KAZN: variants seen among roughly 807,000 people sequenced by gnomAD.
KAZN encodes kazrin.
Under a neutral mutation model 87.4 loss-of-function variants are expected in KAZN, and 40 were observed. The observed-to-expected ratio is 0.46, with a 90% CI of 0.36 to 0.60. The LOEUF (loss-of-function observed/expected upper bound fraction) is 0.60. Among genes scored for constraint, KAZN ranks in the 20% least tolerant of loss-of-function variants. The pLI, the probability that KAZN is intolerant of heterozygous loss-of-function variation, is 0.00. For synonymous variants in KAZN, 466 were observed against 458.3 expected (o/e 1.02, Z -0.22); for missense variants, 898 against 1,073.9 (o/e 0.84, Z 2.29).
chr1:14,644,355 G>GTT (rs149320583), intron 1 of KAZN, among the ~76,000 whole-genome samples: 204 of 136,522 alleles, frequency 1.5e-3, no homozygotes, highest in African/African-American at 5.0e-3. Context: ...TTGTAAATTT[G>GTT]TTTTTTTTTT....
intron 1 of KAZN, among the ~76,000 whole-genome samples, chr1:14,661,469 C>T (rs550285390): frequency 6.6e-6 from 1 of 152,218 alleles, no homozygotes; most frequent in South Asian, 2.1e-4. Context: ...CTCTGTTGCA[C>T]TATTCAACTC....
At chr1:14,948,782 A>C (rs1030804048) in intron 1 of KAZN, among the ~76,000 whole-genome samples, 3 of 152,120 alleles carry the variant, frequency 2.0e-5, no homozygotes, top group Non-Finnish European at 4.4e-5. Context: ...AGGATGGCCC[A>C]GTAAGCTCCC....
chr1:14,458,035 G>A (rs904805581), intron 2 of KAZN, among the ~76,000 whole-genome samples: 1 of 152,052 alleles, frequency 6.6e-6, no homozygotes, highest in Non-Finnish European at 1.5e-5. Flanking sequence ...CGTTAGCCAG[G>A]ATGGTCTCAA....
intron 5 of KAZN, among the ~76,000 whole-genome samples, chr1:15,059,680 G>T (rs988960039): frequency 5.9e-5 from 9 of 152,162 alleles, no homozygotes; most frequent in Non-Finnish European, 8.8e-5. Context: ...GAGAGAAAGT[G>T]GTGGTGGCCT....
intron 1 of KAZN, among the ~76,000 whole-genome samples, chr1:14,893,025 C>T (rs1572750948): frequency 6.6e-6 from 1 of 152,186 alleles, no homozygotes; most frequent in African/African-American, 2.4e-5. Flanking sequence ...CTGGTCCCTA[C>T]TGTCATAAGG....
chr1:14,598,671 T>C (rs2148592720), upstream of KAZN: 1 of 1,263,960 alleles, frequency 7.9e-7, no homozygotes, highest in African/African-American at 1.6e-5. The surrounding 1 kb of genome is among the most constrained non-coding windows in gnomAD (Gnocchi z 4.2). Context: ...GAGTGCCTGG[T>C]GGCGCGCGGT....
chr1:14,495,660 T>A (rs1278156702), intron 2 of KAZN, among the ~76,000 whole-genome samples: 2 of 152,138 alleles, frequency 1.3e-5, no homozygotes, highest in Non-Finnish European at 2.9e-5. Context: ...AGTCTCTGGG[T>A]CTCTCCAACT....
At chr1:14,641,213 G>T (rs1363457910) in intron 1 of KAZN, among the ~76,000 whole-genome samples, 1 of 152,128 alleles carries the variant, frequency 6.6e-6, no homozygotes. Context: ...GGGAATACCA[G>T]GATCAGGAGG....
At chr1:14,679,607 C>T (rs1285547029) in intron 1 of KAZN, among the ~76,000 whole-genome samples, 2 of 152,152 alleles carry the variant, frequency 1.3e-5, no homozygotes, top group African/African-American at 4.8e-5. Flanking sequence ...GCATTGTAAA[C>T]TCTAGAAAAT....
At chr1:14,090,604 A>C (rs1643954116) in intron 1 of KAZN, among the ~76,000 whole-genome samples, 1 of 152,148 alleles carries the variant, frequency 6.6e-6, no homozygotes, top group Non-Finnish European at 1.5e-5. Flanking sequence ...GTCTGTTTAT[A>C]CTGGAGCAAC....
intron 2 of KAZN, among the ~76,000 whole-genome samples, chr1:15,006,438 G>A (rs2102048617): frequency 6.6e-6 from 1 of 152,324 alleles, no homozygotes; most frequent in South Asian, 2.1e-4. Context: ...GGCCGGGCTG[G>A]TCCCTCCTGA....
intron 5 of KAZN, among the ~76,000 whole-genome samples, chr1:15,057,010 T>A (rs1638342248): frequency 6.6e-6 from 1 of 152,262 alleles, no homozygotes; most frequent in South Asian, 2.1e-4. Context: ...AGGTAAGAGC[T>A]GGTCACTGTG....
At chr1:14,767,187 T>G (rs1644907152) in intron 1 of KAZN, among the ~76,000 whole-genome samples, 1 of 152,216 alleles carries the variant, frequency 6.6e-6, no homozygotes, top group Non-Finnish European at 1.5e-5. Flanking sequence ...GGCTAGTTAC[T>G]GTGGGGAAGG....
chr1:14,098,723 C>A (rs1644183692), intron 1 of KAZN, among the ~76,000 whole-genome samples: 1 of 152,156 alleles, frequency 6.6e-6, no homozygotes, highest in African/African-American at 2.4e-5. Context: ...GGAGACCATG[C>A]CTTTAAGTTA....
chr1:14,397,514 A>G (rs759936048), intron 2 of KAZN, among the ~76,000 whole-genome samples: 1 of 152,162 alleles, frequency 6.6e-6, no homozygotes, highest in African/African-American at 2.4e-5. Context: ...GTACGTTTTA[A>G]GTGACACAAA....
rs548200434 is a variant in KAZN, at chr1:14,382,390, C to T, written c.249+201798C>T. Among the ~76,000 whole-genome samples, 412 of 150,926 alleles carry T rather than the reference C, an allele frequency of 2.7e-3. 1 individual carries two copies. Among genetic ancestry groups the T allele is most frequent in the African/African-American group, 9.1e-3 (373 of 41,058 alleles). On this transcript the variant is annotated intron_variant, in intron 2 of 16. Coordinates refer to the KAZN transcript ENST00000636203. ...TGTGCAGGTTACTTACATATGTATACATGTACCATGCTGGTGCGCTGCACC... is the reference window on the plus strand; with the variant it reads ...TGTGCAGGTTACTTACATATGTATATATGTACCATGCTGGTGCGCTGCACC...
chr1:14,979,902 CT>C (rs1486738799), intron 2 of KAZN, among the ~76,000 whole-genome samples: 1 of 152,016 alleles, frequency 6.6e-6, no homozygotes, highest in Admixed American at 6.6e-5. Flanking sequence ...AATTTATTTA[CT>C]TTTGAGACAG....
intron 2 of KAZN, among the ~76,000 whole-genome samples, chr1:14,231,753 A>C (rs1304499018): frequency 1.3e-5 from 2 of 152,204 alleles, no homozygotes; most frequent in Non-Finnish European, 2.9e-5. Flanking sequence ...AGTTAGGGTA[A>C]TGCTAGCTAC....
chr1:15,074,279 C>T (rs1379025090), intron 8 of KAZN, among the ~76,000 whole-genome samples: 1 of 152,234 alleles, frequency 6.6e-6, no homozygotes, highest in African/African-American at 2.4e-5. Flanking sequence ...TAGCCCTAAA[C>T]TCCAGTGTAT....
Sources: gnomAD v4.1 joint callset for allele counts (sites outside exome capture counted in the v4.1 genomes callset) on GRCh38, gnomAD v4.1.1 for gene constraint, Gnocchi (gnomAD v3.1) non-coding constraint, MANE v1.5 for transcripts, NCBI Gene and HGNC (gene_info 2026-07-23, HGNC 2026-07-21) for gene names.